DCC: variants seen among roughly 807,000 people sequenced by gnomAD.
DCC encodes DCC netrin 1 receptor, also known as netrin receptor DCC.
A neutral mutation model predicts 172.5 loss-of-function variants in DCC; 58 were observed. The observed-to-expected ratio is 0.34, with a 90% CI of 0.27 to 0.42. The LOEUF is 0.42. Ranked by LOEUF, DCC falls within the 10% of genes least tolerant of loss-of-function variation. The pLI, the probability that DCC is intolerant of heterozygous loss-of-function variation, is 1.00. For missense variants in DCC, 1,740 were observed against 1,791.0 expected, an observed-to-expected ratio of 0.97 and a Z score of 0.51; for synonymous variants, 709 against 644.5, an observed-to-expected ratio of 1.10 and a Z score of -1.52.
At chr18:52,933,037 T>C (rs1023894289) in intron 5 of DCC, among the ~76,000 whole-genome samples, 3 of 152,130 alleles carry the variant, frequency 2.0e-5, no homozygotes, top group Non-Finnish European at 4.4e-5. Flanking sequence ...ATACCCCTGT[T>C]AAACATTATT....
intron 1 of DCC, among the ~76,000 whole-genome samples, chr18:52,603,236 T>C (rs1354145891): frequency 6.6e-6 from 1 of 151,984 alleles, no homozygotes; most frequent in Non-Finnish European, 1.5e-5. Context: ...GAGGCAACCG[T>C]CTAACTGAAA....
At chr18:53,194,458 T>C (rs1486037073) in intron 9 of DCC, among the ~76,000 whole-genome samples, 1 of 151,672 alleles carries the variant, frequency 6.6e-6, no homozygotes, top group Non-Finnish European at 1.5e-5. Flanking sequence ...TTTGTTGTTG[T>C]TGTTTTTGTT....
At chr18:52,391,658 C>T (rs959846443) in intron 1 of DCC, among the ~76,000 whole-genome samples, 3 of 152,122 alleles carry the variant, frequency 2.0e-5, no homozygotes, top group African/African-American at 7.2e-5. Flanking sequence ...TTCAAGGGGA[C>T]TGGGGGAAGG....
intron 12 of DCC, among the ~76,000 whole-genome samples, chr18:53,232,090 A>G (rs893300890): frequency 6.6e-6 from 1 of 152,066 alleles, no homozygotes; most frequent in African/African-American, 2.4e-5. Context: ...ATTTGTCATA[A>G]TTGTTTCCCC....
intron 2 of DCC, 21 bp downstream of exon 2, chr18:52,752,395 C>T (rs1194169238): frequency 6.5e-7 from 1 of 1,546,382 alleles, no homozygotes; most frequent in Non-Finnish European, 8.9e-7. Context: ...TCTTCCTTCT[C>T]TTCCTCCTCC....
At chr18:52,888,908 T>C (rs368133795) in intron 2 of DCC, among the ~76,000 whole-genome samples, 8 of 152,074 alleles carry the variant, frequency 5.3e-5, no homozygotes, top group East Asian at 3.9e-4. Flanking sequence ...TACACAGATA[T>C]CTATATATAC....
chr18:52,862,879 A>G (rs1300899627), intron 2 of DCC, among the ~76,000 whole-genome samples: 7 of 152,144 alleles, frequency 4.6e-5, no homozygotes, highest in African/African-American at 1.7e-4. Flanking sequence ...TACTTAAAAG[A>G]TAGATAGAAA....
At chr18:52,540,597 C>CTTT (rs71175505) in intron 1 of DCC, among the ~76,000 whole-genome samples, 6,062 of 67,346 alleles carry the variant, frequency 0.09, 2,426 homozygotes, top group African/African-American at 0.16. Context: ...ATTCAACTGC[C>CTTT]TTTTTTTTTT....
intron 5 of DCC, among the ~76,000 whole-genome samples, chr18:52,929,194 G>T (rs986326834): frequency 2.0e-5 from 3 of 152,046 alleles, no homozygotes; most frequent in African/African-American, 4.8e-5. Context: ...TTTTAATCCC[G>T]TTTTACAAAC....
chr18:53,342,155 A>G (rs1436617121), intron 15 of DCC, among the ~76,000 whole-genome samples: 2 of 152,066 alleles, frequency 1.3e-5, no homozygotes, highest in Non-Finnish European at 2.9e-5. Flanking sequence ...AGAGAGCAAG[A>G]CTTCTAAACA....
intron 1 of DCC, among the ~76,000 whole-genome samples, chr18:52,556,846 G>A (rs1439053023): frequency 6.6e-6 from 1 of 152,028 alleles, no homozygotes. Flanking sequence ...ATGTACTTTC[G>A]TTTTATGAGG....
chr18:53,138,467 G>T (rs902379399), intron 7 of DCC, among the ~76,000 whole-genome samples: 1 of 152,128 alleles, frequency 6.6e-6, no homozygotes, highest in African/African-American at 2.4e-5. Context: ...ACAGATGTCA[G>T]CTTACTTCTA....
intron 26 of DCC, among the ~76,000 whole-genome samples, chr18:53,490,949 TG>T (rs761699222): frequency 1.3e-5 from 2 of 152,194 alleles, no homozygotes; most frequent in Non-Finnish European, 2.9e-5. Flanking sequence ...CCTTAGGGAT[TG>T]GTGATATATT....
chr18:53,301,987 G>A (rs2057147202), intron 12 of DCC, among the ~76,000 whole-genome samples: 1 of 152,176 alleles, frequency 6.6e-6, no homozygotes, highest in Non-Finnish European at 1.5e-5. Context: ...CAAGATCAAT[G>A]TGTTGGCAGA....
chr18:52,460,888 C>A (rs1396467947), intron 1 of DCC, among the ~76,000 whole-genome samples: 1 of 151,956 alleles, frequency 6.6e-6, no homozygotes, highest in Non-Finnish European at 1.5e-5. Flanking sequence ...AATATAAAGG[C>A]CTAGGACATG....
At chr18:52,466,043 C>A (rs982717172) in intron 1 of DCC, among the ~76,000 whole-genome samples, 1 of 152,034 alleles carries the variant, frequency 6.6e-6, no homozygotes, top group Non-Finnish European at 1.5e-5. Flanking sequence ...AATTGCATTA[C>A]CAGAATGGAT....
chr18:52,478,400 ATCT>A (rs1989157345), intron 1 of DCC, among the ~76,000 whole-genome samples: 1 of 152,192 alleles, frequency 6.6e-6, no homozygotes, highest in Admixed American at 6.5e-5. Flanking sequence ...TAAGGAGTTA[ATCT>A]TCTCATGGGT....
chr18:52,765,329 G>C (rs2145155809), intron 2 of DCC, among the ~76,000 whole-genome samples: 1 of 151,668 alleles, frequency 6.6e-6, no homozygotes, highest in East Asian at 2.0e-4. Flanking sequence ...ACAGGCATAA[G>C]CCACTGCACC....
chr18:53,373,138 A>C lies in DCC; in HGVS notation c.2360-12905A>C, dbSNP rs1015453720. ...AAAACTAGGTCAATTTAAAGCAATC[A>C]TGCACAAAATTGTTTATTAAAATAC... On this transcript the variant is annotated intron_variant, in intron 15 of 28. Coordinates refer to ENST00000442544, the MANE Select transcript of DCC (RefSeq NM_005215.4). Among the ~76,000 whole-genome samples the C allele has an allele frequency of 5.9e-5, 9 of 152,204 alleles. No individual in the cohort carries two copies. The East Asian group carries it at 1.7e-3, about 29-fold the overall frequency.
Sources: gnomAD v4.1 joint callset for allele counts (sites outside exome capture counted in the v4.1 genomes callset) on GRCh38, gnomAD v4.1.1 for gene constraint, MANE v1.5 for transcripts, NCBI Gene and HGNC (gene_info 2026-07-23, HGNC 2026-07-21) for gene names.